The following PIEZO1 variants were observed in gnomAD, a reference collection of about 807,000 sequenced individuals.
PIEZO1 encodes the protein piezo type mechanosensitive ion channel component 1 (Er blood group).
In PIEZO1, 296 loss-of-function variants were observed where a neutral mutation model predicts 297.2. The ratio of observed to expected loss-of-function variants is 1.00; its 90% CI spans 0.91 to 1.10. PIEZO1 has a LOEUF of 1.10. PIEZO1 is among the 50% of genes least tolerant of loss of function. PIEZO1 has a pLI of 0.00. For missense variants in PIEZO1, 5,018 were observed against 3,455.5 expected (o/e 1.45, Z -11.34); for synonymous variants, 2,427 against 1,507.5 (o/e 1.61, Z -14.13).
intron 1 of PIEZO1, among the ~76,000 whole-genome samples, chr16:88,772,795 C>A (rs1166198027): frequency 7.2e-6 from 1 of 138,046 alleles, no homozygotes; most frequent in African/African-American, 2.6e-5. Flanking sequence ...AAAAAAAAGG[C>A]CTGTGCCCCC....
At chr16:88,778,986 A>G (rs1372438300) in intron 1 of PIEZO1, among the ~76,000 whole-genome samples, 1 of 151,298 alleles carries the variant, frequency 6.6e-6, no homozygotes, top group Non-Finnish European at 1.5e-5. Flanking sequence ...ACAGGGGAGG[A>G]CAGAGGTTCA....
chr16:88,762,669 C>A (rs1013192302), intron 1 of PIEZO1, among the ~76,000 whole-genome samples: 1 of 152,222 alleles, frequency 6.6e-6, no homozygotes, highest in Admixed American at 6.5e-5. Context: ...AGTGCTGTGT[C>A]GGCCCTGACC....
At chr16:88,779,211 G>T (rs1177025047) in intron 1 of PIEZO1, among the ~76,000 whole-genome samples, 1 of 151,904 alleles carries the variant, frequency 6.6e-6, no homozygotes, top group African/African-American at 2.4e-5. Flanking sequence ...GCTAATTTTT[G>T]TATTTTTAGC....
At chr16:88,725,976 G>A (rs1202241409) in intron 27 of PIEZO1, 10 of 567,654 alleles carry the variant, frequency 1.8e-5, no homozygotes, top group Admixed American at 3.2e-5. Context: ...TGGGGCAGTC[G>A]TGACACCACA....
chr16:88,742,408 G>C lies in PIEZO1; in HGVS notation c.175C>G (p.Leu59Val), dbSNP rs1330138523. 6.5e-7 allele frequency: 1 copy of C among 1,534,956 alleles called. No homozygotes were observed. The highest frequency in any genetic ancestry group is 1.2e-5 in the South Asian group (1 of 84,020). Residue 59 changes from leucine to valine, a missense_variant, in exon 3 of 51, where the codon CTC becomes GTC. Transcript: ENST00000301015. ...CTGAGGCCCAGCAATGCCCGCAGGA[G>C]GCGGCCTGTGTGACCTGCGGCAGAG... ...RCGLQGHTGR[L>V]LRALLGLSLL...
intron 44 of PIEZO1, 175 bp from the exon 45 acceptor site, chr16:88,717,386 G>C: frequency 1.5e-6 from 1 of 660,778 alleles, no homozygotes; most frequent in Non-Finnish European, 2.7e-6. Flanking sequence ...GAGTCCAGTT[G>C]GAACCCTCAT....
chr16:88,731,841 A>T lies in PIEZO1; in HGVS notation c.3061T>A (p.Trp1021Arg), dbSNP rs755193254. The T allele has an allele frequency of 8.0e-7, 1 of 1,253,424 alleles. No homozygotes were observed. Among genetic ancestry groups the T allele is most frequent in the East Asian group, 4.5e-5 (1 of 22,456 alleles). 77.6% of individuals were successfully genotyped at this position (1,253,424 alleles called of 1,614,324 possible). The change falls in exon 22 of 51, where the codon TGG becomes AGG. Residue 1021 changes from tryptophan to arginine, a missense_variant. Trp to Arg is a moderately radical substitution (Grantham distance 101, BLOSUM62 -3). Transcript: ENST00000301015. ...MNFLVTLHGC[W>R]LVAILTRRHR... ...CTGCGGGTGAGGATGGCCACCAGCC[A>T]GCAACCGTGCAGGGTCACCAGAAAG...
chr16:88,733,987 C>G lies in PIEZO1; in HGVS notation c.2248G>C (p.Glu750Gln), dbSNP rs202139830. Reference sequence around the variant, plus strand: ...GAGTCCTCCTCCTCCTCCTCCTCCTCCTGCTGCTGCTGCTGATGCTCCTGC... The same window carrying G: ...GAGTCCTCCTCCTCCTCCTCCTCCTGCTGCTGCTGCTGCTGATGCTCCTGC... ...EQQEHQQQQQ[E>Q]EEEEEEDSRD... Residue 750 changes from glutamate to glutamine, a missense_variant, in exon 17 of 51, where the codon GAG (glutamate) becomes CAG (glutamine). Transcript: ENST00000301015. 1,806 of 1,505,754 alleles carry G rather than the reference C, an allele frequency of 1.2e-3. 21 individuals carry two copies. The African/African-American group carries it at 0.023, about 19-fold the overall frequency. 93.3% of individuals were successfully genotyped at this position (1,505,754 alleles called of 1,614,324 possible). A position where few individuals can be genotyped will look rare whatever the true frequency, so the allele number is the denominator to read the frequency against.
chr16:88,724,162 CCAGCGCGGGCTGGGGTGCAGAGT>C (rs1456889231), intron 30 of PIEZO1, among the ~76,000 whole-genome samples, 191 bp from the exon 31 acceptor site: 3 of 152,240 alleles, frequency 2.0e-5, no homozygotes, highest in Middle Eastern at 3.2e-3. Context: ...AGGAGCAGAG[CCAGCGCGGGCTGGGGTGCAGAGT>C]GGGCCGACTG....
At chr16:88,737,176 C>T (rs1249201995) in intron 10 of PIEZO1, 6 of 269,480 alleles carry the variant, frequency 2.2e-5, no homozygotes, top group Non-Finnish European at 1.4e-5. Context: ...CCCAGGCCAG[C>T]CCCTGCCCTG....
chr16:88,776,807 G>T (rs1481052285), intron 1 of PIEZO1, among the ~76,000 whole-genome samples: 1 of 152,208 alleles, frequency 6.6e-6, no homozygotes, highest in South Asian at 2.1e-4. Context: ...CACGGCCCCT[G>T]AGCCTGTACG....
Position 88,716,245 on chromosome 16 carries a change from C to T in PIEZO1, c.7082G>A (p.Arg2361His), listed in dbSNP as rs969069987. ...VIPNLFPKYI[R>H]APNGPEANPV... ...GTTGGCTTCGGGCCCGTTGGGGGCA[C>T]GGATGTACTTGGGGAAGAGATTAGG... Residue 2361 changes from arginine to histidine, a missense_variant, in exon 49 of 51, where the codon CGT becomes CAT. Coordinates refer to ENST00000301015, the MANE Select transcript of PIEZO1 (RefSeq NM_001142864.4). 6.0e-6 allele frequency: 9 copies of T among 1,495,356 alleles called. No individual in the cohort carries two copies. Among genetic ancestry groups the T allele is most frequent in the South Asian group, 1.3e-5 (1 of 74,992 alleles). 92.6% of individuals were successfully genotyped at this position (1,495,356 alleles called of 1,614,324 possible). A position where few individuals can be genotyped will look rare whatever the true frequency, so the allele number is the denominator to read the frequency against.
intron 5 of PIEZO1, 150 bp from the exon 6 acceptor site, chr16:88,738,886 C>T (rs770482492): frequency 3.0e-6 from 2 of 669,768 alleles, no homozygotes; most frequent in South Asian, 1.9e-5. Flanking sequence ...GGCACAGGCC[C>T]CAGCCGTCCC....
At chr16:88,754,804 C>T (rs900995175) in intron 1 of PIEZO1, among the ~76,000 whole-genome samples, 5 of 152,212 alleles carry the variant, frequency 3.3e-5, no homozygotes, top group Non-Finnish European at 5.9e-5. Flanking sequence ...AGAAAGACTG[C>T]GGCCCACACG....
chr16:88,737,516 C>A lies in PIEZO1; in HGVS notation c.1195+43G>T, dbSNP rs1281828728. ...CAGGGGGCAGCACCGGCCTCCGCCC[C>A]GCCCCCCGCACCCAGCCATACCTTG... On this transcript the variant is annotated intron_variant, in intron 10 of 50. Transcript: ENST00000301015. 3 of 1,288,998 alleles carry A rather than the reference C, an allele frequency of 2.3e-6. No homozygotes were observed. The South Asian group carries it at 4.0e-5, about 17-fold the overall frequency. The allele number at this position is 1,288,998 out of a possible 1,614,324, so 79.8% of individuals were successfully genotyped here.
Position 88,717,216 on chromosome 16 carries a change from A to AG in PIEZO1, c.6472-6dup. 6.5e-7 allele frequency: 1 copy of AG among 1,547,328 alleles called. No homozygotes were observed. The highest frequency in any genetic ancestry group is 2.0e-5 in the Admixed American group (1 of 51,000). ...CCCTTTGGGCTGCGGGTATTTCTGG[A>AG]GGGGAACGACACAGGTCATACGCTC... On this transcript the variant is annotated splice_polypyrimidine_tract_variant and splice_region_variant and intron_variant, in intron 44 of 50. Transcript: ENST00000301015.
chr16:88,749,088 A>C, intron 2 of PIEZO1, among the ~76,000 whole-genome samples: 1 of 151,526 alleles, frequency 6.6e-6, no homozygotes, highest in Non-Finnish European at 1.5e-5. Flanking sequence ...ATACAAAAAA[A>C]AATAAGCCAG....
At position 88,716,696 on chromosome 16, in the gene PIEZO1, C is replaced by A. The variant is rs532093814; in HGVS notation, c.6789G>T (p.Glu2263Asp). 6.5e-7 allele frequency: 1 copy of A among 1,548,606 alleles called. No homozygotes were observed. Among genetic ancestry groups the A allele is most frequent in the East Asian group, 2.4e-5 (1 of 40,936 alleles). ...AMQFISQYSP[E>D]DIVTAQIEGS... ...CCTCAATCTGCGCCGTGACGATGTC[C>A]TCAGGGCTGTACTGGCTGATGAACT... is the stretch of plus-strand genomic sequence containing the variant. Residue 2263 changes from glutamate to aspartate, a missense_variant, in exon 47 of 51, where the codon GAG (glutamate) becomes GAT (aspartate). By Grantham distance (45) the Glu-to-Asp change is conservative. Transcript: ENST00000301015.
intron 17 of PIEZO1, 62 bp from the exon 18 acceptor site, chr16:88,733,807 A>T: frequency 6.8e-7 from 1 of 1,475,606 alleles, no homozygotes; most frequent in Non-Finnish European, 9.0e-7. Context: ...CCTGTGAGGA[A>T]GAGGCTCTGG....
Sources: gnomAD v4.1 joint callset for allele counts (sites outside exome capture counted in the v4.1 genomes callset) on GRCh38, gnomAD v4.1.1 for gene constraint, MANE v1.5 for transcripts, NCBI Gene and HGNC (gene_info 2026-07-23, HGNC 2026-07-21) for gene names.